Variants in ANK3 observed in about 807,000 individuals in gnomAD.
The protein encoded by ANK3 is ankyrin-3.
ANK3 carries 57 observed loss-of-function variants against 370.9 expected under a neutral mutation model. That is an observed-to-expected ratio of 0.15 (90% confidence interval 0.12 to 0.19). The LOEUF is 0.19. Among genes scored for constraint, ANK3 ranks in the 10% least tolerant of loss-of-function variants. The pLI, the probability that ANK3 is intolerant of heterozygous loss-of-function variation, is 1.00. For synonymous variants in ANK3, 1,929 were observed against 1,946.3 expected (o/e 0.99, Z 0.23); for missense variants, 4,439 against 5,302.1 (o/e 0.84, Z 5.06).
In ANK3 at chr10:60,026,307, C is replaced by G. The variant is rs1182063614; in HGVS notation, c.*3539G>C. ...CTCTTGAAAAGTTTGGTTCAAATCT[C>G]AATCTTGTAAATGTTTACTTCTGGA... On this transcript the variant is annotated 3_prime_UTR_variant, in exon 44 of 44. Coordinates refer to ENST00000280772, the MANE Select transcript of ANK3 (RefSeq NM_020987.5). 1 of 152,190 alleles carries G rather than the reference C, an allele frequency of 6.6e-6. No homozygotes were observed. The highest frequency in any genetic ancestry group is 6.5e-5 in the Admixed American group (1 of 15,282). The allele number at this position is 152,190 out of a possible 1,614,324, so 9.4% of individuals were successfully genotyped here.
At position 60,068,705 on chromosome 10, in the gene ANK3, GT is replaced by G; in HGVS notation, c.12175del (p.Thr4059GlnfsTer6). The G allele has an allele frequency of 6.2e-7, 1 of 1,614,066 alleles. No homozygotes were observed. The highest frequency in any genetic ancestry group is 8.5e-7 in the Non-Finnish European group (1 of 1,179,974). On this transcript the variant is annotated frameshift_variant, in exon 37 of 44. Transcript: ENST00000280772. LOFTEE classifies it high-confidence loss of function. Reference protein sequence around the residue: ...VTTKSARDKKTEAAPLKSKSE... With the variant: ...VTTKSARDKKXEAAPLKSKSE... ...CTTTGATTTTAAAGGTGCTGCCTCT[GT>G]TTTCTTATCTCTAGCAGACTTCGTT...
chr10:60,628,695 A>T (rs1212117038), intron 1 of ANK3, among the ~76,000 whole-genome samples: 1 of 152,216 alleles, frequency 6.6e-6, no homozygotes, highest in Non-Finnish European at 1.5e-5. Context: ...ATAAATAAAT[A>T]AACCAGATCA....
chr10:60,246,172 C>T (rs907137770), intron 7 of ANK3, among the ~76,000 whole-genome samples: 1 of 146,106 alleles, frequency 6.8e-6, no homozygotes, highest in Non-Finnish European at 1.5e-5. Context: ...ACGAGAATTG[C>T]TTGACCCTGG....
chr10:60,082,810 G>A (rs2132009264), intron 33 of ANK3, 73 bp from the exon 34 acceptor site: 2 of 1,499,930 alleles, frequency 1.3e-6, no homozygotes, highest in South Asian at 1.3e-5. Context: ...TAAGAGTTAA[G>A]CATGGTTGTT....
chr10:60,588,201 TTGAGATGG>T (rs2077860046), intron 2 of ANK3, among the ~76,000 whole-genome samples: 2 of 149,202 alleles, frequency 1.3e-5, no homozygotes, highest in Admixed American at 6.7e-5. Context: ...TTATTATTAT[TTGAGATGG>T]ATTCTCACTT....
chr10:60,732,933 G>A (rs1034703253), intron 1 of ANK3, among the ~76,000 whole-genome samples: 11 of 151,800 alleles, frequency 7.2e-5, no homozygotes, highest in African/African-American at 2.7e-4. Context: ...TCCTGAGCCC[G>A]GGGCCCGCTT....
chr10:60,325,954 A>C (rs1475512419), intron 1 of ANK3, among the ~76,000 whole-genome samples: 1 of 152,240 alleles, frequency 6.6e-6, no homozygotes, highest in Non-Finnish European at 1.5e-5. Context: ...CAGCCATAAA[A>C]AGAACAAGAT....
intron 11 of ANK3, among the ~76,000 whole-genome samples, chr10:60,204,594 C>T (rs2096732778): frequency 6.6e-6 from 1 of 152,158 alleles, no homozygotes; most frequent in Non-Finnish European, 1.5e-5. Context: ...AATCACTAGA[C>T]TAGACTTTAA....
intron 2 of ANK3, among the ~76,000 whole-genome samples, chr10:60,511,108 G>A (rs2076068425): frequency 6.6e-6 from 1 of 152,070 alleles, no homozygotes; most frequent in Non-Finnish European, 1.5e-5. Context: ...CCATGTTATT[G>A]ACTGCTCTGG....
At chr10:60,463,856 G>T in intron 2 of ANK3, among the ~76,000 whole-genome samples, 1 of 151,754 alleles carries the variant, frequency 6.6e-6, no homozygotes, top group Non-Finnish European at 1.5e-5. Flanking sequence ...GTGTGTGGAG[G>T]AAGGGAGCTT....
At chr10:60,511,903 T>C (rs955884488) in intron 2 of ANK3, among the ~76,000 whole-genome samples, 8 of 151,876 alleles carry the variant, frequency 5.3e-5, no homozygotes, top group African/African-American at 1.9e-4. Flanking sequence ...TTCAGAGACA[T>C]TTAAAGGTCT....
rs541371007 is a variant in ANK3 at position 60,703,550 on chromosome 10, C to T, written c.57+29713G>A. Among the ~76,000 whole-genome samples, 7 of 152,148 alleles carry T rather than the reference C, an allele frequency of 4.6e-5. No individual in the cohort carries two copies. The South Asian group carries it at 1.0e-3, about 23-fold the overall frequency. ...AGCGTTTGGTTTCTATCTTCAAACACCAAATTTATTTTGATGACTATTTCC... is the reference window on the plus strand; with the variant it reads ...AGCGTTTGGTTTCTATCTTCAAACATCAAATTTATTTTGATGACTATTTCC... On this transcript the variant is annotated intron_variant, in intron 1 of 43. Transcript: ENST00000373827.
intron 1 of ANK3, among the ~76,000 whole-genome samples, chr10:60,646,762 G>A (rs2078715388): frequency 6.6e-6 from 1 of 152,180 alleles, no homozygotes; most frequent in South Asian, 2.1e-4. Context: ...TGCTGGAAAA[G>A]GAAGGGAAAA....
intron 1 of ANK3, among the ~76,000 whole-genome samples, chr10:60,679,494 G>A (rs1384475250): frequency 6.6e-6 from 1 of 152,154 alleles, no homozygotes; most frequent in Non-Finnish European, 1.5e-5. Flanking sequence ...ATGCACACTA[G>A]GAGGCAAAAT....
At position 60,499,751 on chromosome 10, in the gene ANK3, T is replaced by C. The variant is rs181358901; in HGVS notation, c.96+115435A>G. Among the ~76,000 whole-genome samples, 257 of 152,182 alleles carry C rather than the reference T, an allele frequency of 1.7e-3. 2 individuals carry two copies. Among genetic ancestry groups the C allele is most frequent in the African/African-American group, 6.0e-3 (247 of 41,512 alleles). ...GAAGGCTTGGCCATGCTTGGTGAAA[T>C]GTTATAAGCCCATTTTAATGTTTTG... is the stretch of plus-strand genomic sequence containing the variant. On this transcript the variant is annotated intron_variant, in intron 2 of 43. Coordinates refer to the ANK3 transcript ENST00000373827.
intron 2 of ANK3, among the ~76,000 whole-genome samples, chr10:60,451,830 T>A (rs925259661): frequency 4.6e-5 from 7 of 152,088 alleles, no homozygotes; most frequent in African/African-American, 1.7e-4. Flanking sequence ...GAGAGAAAAG[T>A]CACTTGAGGA....
chr10:60,233,028 G>A (rs930441631), intron 8 of ANK3, among the ~76,000 whole-genome samples: 13 of 152,188 alleles, frequency 8.5e-5, no homozygotes, highest in African/African-American at 2.2e-4. Flanking sequence ...TCGATAGATG[G>A]ATGTTTGTCG....
chr10:60,048,904 C>A lies in ANK3; in HGVS notation c.13066-6145G>T, dbSNP rs368040238. 7.5e-4 allele frequency among the ~76,000 whole-genome samples: 114 copies of A among 152,196 alleles called. 1 individual carries two copies. In the South Asian group the frequency reaches 0.023, roughly 30 times the overall value. Reference sequence around the variant, plus strand: ...ACACAGTAATTTTAGTCTCAATGACCCATTTAGGTACTACATTCCCATTTT... The same window carrying A: ...ACACAGTAATTTTAGTCTCAATGACACATTTAGGTACTACATTCCCATTTT... On this transcript the variant is annotated intron_variant, in intron 42 of 43. Coordinates refer to ENST00000280772, the MANE Select transcript of ANK3 (RefSeq NM_020987.5).
rs1314206794 is a variant in ANK3, at chr10:60,114,075, C to T, written c.2948+150G>A. 3 of 360,442 alleles carry T rather than the reference C, an allele frequency of 8.3e-6. No individual in the cohort carries two copies. The Admixed American group carries it at 1.4e-4, about 17-fold the overall frequency. The allele number at this position is 360,442 out of a possible 1,614,324, so 22.3% of individuals were successfully genotyped here. ...TTACTTAGAAAAAAACAATGATTTA[C>T]AAATACATCTCACATATACTAATGA... On this transcript the variant is annotated intron_variant, in intron 26 of 43. Transcript: ENST00000280772.
Sources: gnomAD v4.1 joint callset for allele counts (sites outside exome capture counted in the v4.1 genomes callset) on GRCh38, gnomAD v4.1.1 for gene constraint, MANE v1.5 for transcripts, NCBI Gene and HGNC (gene_info 2026-07-23, HGNC 2026-07-21) for gene names.